CAPZB: variants seen among roughly 807,000 people sequenced by gnomAD.
The protein encoded by CAPZB is capping actin protein of muscle Z-line subunit beta.
CAPZB carries 2 observed loss-of-function variants against 38.1 expected under a neutral mutation model. The ratio of observed to expected loss-of-function variants is 0.05; its 90% CI spans 0.02 to 0.17. The LOEUF is 0.17. Among genes scored for constraint, CAPZB ranks in the 10% least tolerant of loss-of-function variants. CAPZB has a pLI of 1.00. For synonymous variants in CAPZB, 107 were observed against 127.4 expected (o/e 0.84, Z 1.08); for missense variants, 161 against 334.2 (o/e 0.48, Z 4.04).
chr1:19,457,491 A>T (rs1363123468), intron 1 of CAPZB, among the ~76,000 whole-genome samples: 4 of 152,230 alleles, frequency 2.6e-5, no homozygotes, highest in Non-Finnish European at 5.9e-5. Context: ...AATTTGGTAC[A>T]AGCATATTTA....
intron 1 of CAPZB, among the ~76,000 whole-genome samples, chr1:19,426,292 C>T (rs2094422216): frequency 6.6e-6 from 1 of 152,148 alleles, no homozygotes; most frequent in South Asian, 2.1e-4. Context: ...TTTGGAGCCC[C>T]TAGAGATTTT....
intron 2 of CAPZB, among the ~76,000 whole-genome samples, chr1:19,409,672 G>A (rs2094349007): frequency 6.6e-6 from 1 of 152,228 alleles, no homozygotes; most frequent in Non-Finnish European, 1.5e-5. Context: ...TTCTTCATCT[G>A]TCCAATGGGG....
At chr1:19,376,033 A>T (rs1337074730) in intron 4 of CAPZB, among the ~76,000 whole-genome samples, 1 of 152,238 alleles carries the variant, frequency 6.6e-6, no homozygotes, top group Non-Finnish European at 1.5e-5. Context: ...CCAAGATGAA[A>T]CTGGGCTCTT....
chr1:19,380,993 C>A (rs2094171383), intron 3 of CAPZB, among the ~76,000 whole-genome samples: 1 of 152,070 alleles, frequency 6.6e-6, no homozygotes, highest in East Asian at 1.9e-4. Context: ...CATGGTGAAA[C>A]CCCATCTCTA....
chr1:19,389,758 G>A (rs1192475352), intron 2 of CAPZB, among the ~76,000 whole-genome samples: 1 of 152,114 alleles, frequency 6.6e-6, no homozygotes, highest in Non-Finnish European at 1.5e-5. Context: ...AAATCTGACA[G>A]CCAATCCCCA....
intron 1 of CAPZB, chr1:19,449,317 G>A (rs10753562): frequency 0.65 from 669,003 of 1,029,962 alleles, 218,497 homozygotes; most frequent in East Asian, 0.69. Flanking sequence ...TGCGAGTCAC[G>A]GTCAGGCATG....
At position 19,455,323 on chromosome 1, in the gene CAPZB, TAGAG is replaced by T. The variant is rs1027732025; in HGVS notation, c.3+30109_3+30112del. On this transcript the variant is annotated intron_variant, in intron 1 of 8. Coordinates refer to ENST00000264202, the MANE Select transcript of CAPZB (RefSeq NM_004930.5). ...CTAACACAGGGCTCCTGGGATCCCA[TAGAG>T]AGAGAGTCTATTTCCATTTTTATTT... Among the ~76,000 whole-genome samples the T allele has an allele frequency of 3.3e-5, 5 of 152,230 alleles. No individual in the cohort carries two copies. In the South Asian group the frequency reaches 8.3e-4, roughly 25 times the overall value.
chr1:19,341,342 G>A (rs899058249), intron 8 of CAPZB, among the ~76,000 whole-genome samples: 8 of 152,140 alleles, frequency 5.3e-5, no homozygotes, highest in Non-Finnish European at 8.8e-5. Flanking sequence ...GAGATGCGGC[G>A]GGCAAAGCAG....
At chr1:19,484,637 C>CA (rs2094644284) in intron 1 of CAPZB, 1 of 1,171,244 alleles carries the variant, frequency 8.5e-7, no homozygotes, top group Admixed American at 3.9e-5. Context: ...CCAAAGGCTG[C>CA]AAAGAAGGCG....
At chr1:19,448,817 T>A in intron 1 of CAPZB, 4 of 1,612,754 alleles carry the variant, frequency 2.5e-6, no homozygotes, top group Non-Finnish European at 3.4e-6. Context: ...CCCCCTCAGA[T>A]CTAAAGTGCG....
chr1:19,438,789 C>T (rs2094466457), intron 1 of CAPZB, among the ~76,000 whole-genome samples: 1 of 152,210 alleles, frequency 6.6e-6, no homozygotes, highest in African/African-American at 2.4e-5. Context: ...GCAACGAAGG[C>T]AAGGACACAG....
chr1:19,446,932 G>A (rs964440825), intron 1 of CAPZB, among the ~76,000 whole-genome samples: 5 of 152,022 alleles, frequency 3.3e-5, no homozygotes, highest in African/African-American at 4.8e-5. Flanking sequence ...GATCCATCAC[G>A]CCAACTGGAT....
chr1:19,453,853 G>A (rs1308540024), intron 1 of CAPZB, among the ~76,000 whole-genome samples: 1 of 152,226 alleles, frequency 6.6e-6, no homozygotes, highest in Non-Finnish European at 1.5e-5. Context: ...GGGCTAGGCA[G>A]TGAAATGCAC....
chr1:19,406,581 A>G (rs2094333527), intron 2 of CAPZB, among the ~76,000 whole-genome samples: 1 of 152,164 alleles, frequency 6.6e-6, no homozygotes, highest in South Asian at 2.1e-4. Context: ...TTGGGCACAA[A>G]CAGCGTGACG....
intron 1 of CAPZB, among the ~76,000 whole-genome samples, chr1:19,444,981 G>A (rs2094491408): frequency 6.6e-6 from 1 of 152,090 alleles, no homozygotes; most frequent in African/African-American, 2.4e-5. Flanking sequence ...AATCTCCAGT[G>A]ATCTGCCCGC....
intron 3 of CAPZB, among the ~76,000 whole-genome samples, chr1:19,385,058 G>A (rs2094196277): frequency 6.6e-6 from 1 of 152,140 alleles, no homozygotes; most frequent in Admixed American, 6.6e-5. Flanking sequence ...AGAGAGGAGA[G>A]TTGTGTATCT....
At chr1:19,401,776 T>A (rs1198315223) in intron 2 of CAPZB, among the ~76,000 whole-genome samples, 2 of 152,212 alleles carry the variant, frequency 1.3e-5, no homozygotes, top group African/African-American at 4.8e-5. Context: ...CCAATGAGAC[T>A]GAAATGGCCT....
At chr1:19,404,661 G>A (rs1007181619) in intron 2 of CAPZB, among the ~76,000 whole-genome samples, 11 of 151,702 alleles carry the variant, frequency 7.3e-5, no homozygotes, top group Admixed American at 6.6e-4. Context: ...TTCAGAGCCC[G>A]ATCAAGCAGC....
intron 6 of CAPZB, among the ~76,000 whole-genome samples, chr1:19,354,416 C>T (rs1430018816): frequency 6.6e-6 from 1 of 152,226 alleles, no homozygotes; most frequent in Non-Finnish European, 1.5e-5. Context: ...GATTTGTCTA[C>T]CTCATTGCAA....
Sources: gnomAD v4.1 joint callset for allele counts (sites outside exome capture counted in the v4.1 genomes callset) on GRCh38, gnomAD v4.1.1 for gene constraint, MANE v1.5 for transcripts, NCBI Gene and HGNC (gene_info 2026-07-23, HGNC 2026-07-21) for gene names.